Variants in SHISA6 observed in about 807,000 individuals in gnomAD.
SHISA6 encodes the protein protein shisa-6.
Under a neutral mutation model 47.9 loss-of-function variants are expected in SHISA6, and 22 were observed. The observed-to-expected ratio is 0.46, with a 90% CI of 0.33 to 0.66. The LOEUF is 0.66. Among genes scored for constraint, SHISA6 ranks in the 30% least tolerant of loss-of-function variants. The pLI is 0.02. For synonymous variants in SHISA6, 388 were observed against 337.8 expected, an observed-to-expected ratio of 1.15 and a Z score of -1.63; for missense variants, 680 against 764.6, an observed-to-expected ratio of 0.89 and a Z score of 1.30.
intron 3 of SHISA6, among the ~76,000 whole-genome samples, chr17:11,506,128 A>G (rs763460730): frequency 2.0e-5 from 3 of 152,250 alleles, no homozygotes; most frequent in Non-Finnish European, 4.4e-5. Flanking sequence ...GTTGATATTC[A>G]TGAAGCTGAT....
intron 1 of SHISA6, among the ~76,000 whole-genome samples, chr17:11,245,749 T>TGTGG (rs1555570401): frequency 2.7e-5 from 3 of 110,462 alleles, no homozygotes; most frequent in African/African-American, 1.4e-4. Flanking sequence ...GTGGGCAGGG[T>TGTGG]GGGGGGGGTG....
At position 11,267,292 on chromosome 17, in the gene SHISA6, C is replaced by T. The variant is rs139255103; in HGVS notation, c.799+3766C>T. Among the ~76,000 whole-genome samples the T allele has an allele frequency of 4.6e-3, 702 of 152,340 alleles. 2 individuals are homozygous for T. Among genetic ancestry groups the T allele is most frequent in the Non-Finnish European group, 6.9e-3 (470 of 68,032 alleles). ...AGTGTGGTCCATGGACCAGGAGCAA[C>T]TGCATTCCATTGGAACTTGTTAGAA... On this transcript the variant is annotated intron_variant, in intron 2 of 5. Transcript: ENST00000441885.
chr17:11,483,675 AGT>A (rs1320088367), intron 3 of SHISA6, among the ~76,000 whole-genome samples: 1 of 152,144 alleles, frequency 6.6e-6, no homozygotes, highest in Non-Finnish European at 1.5e-5. Flanking sequence ...TTACACACAT[AGT>A]AGTGTTACAT....
chr17:11,507,082 G>T (rs1475426228), intron 3 of SHISA6, among the ~76,000 whole-genome samples: 1 of 152,178 alleles, frequency 6.6e-6, no homozygotes, highest in Non-Finnish European at 1.5e-5. Flanking sequence ...TACTCGGCCT[G>T]TCCTACCCTC....
chr17:11,313,765 T>C (rs1032109179), intron 2 of SHISA6, among the ~76,000 whole-genome samples: 5 of 152,044 alleles, frequency 3.3e-5, no homozygotes, highest in Admixed American at 2.0e-4. Flanking sequence ...CTGCAATCTT[T>C]CTGAGAACTC....
chr17:11,354,242 T>C (rs1267714146), intron 2 of SHISA6, among the ~76,000 whole-genome samples: 1 of 152,186 alleles, frequency 6.6e-6, no homozygotes, highest in Non-Finnish European at 1.5e-5. Context: ...CTTGTTCAAA[T>C]GCGAATTCGG....
chr17:11,381,901 C>T (rs1041450972), intron 3 of SHISA6, among the ~76,000 whole-genome samples: 7 of 152,176 alleles, frequency 4.6e-5, no homozygotes, highest in African/African-American at 1.4e-4. Flanking sequence ...TTTTTCTCCC[C>T]GTTCCTTTCT....
chr17:11,519,746 G>A lies in SHISA6; in HGVS notation c.896-32150G>A, dbSNP rs138099103. Among the ~76,000 whole-genome samples, 619 of 152,154 alleles carry A rather than the reference G, an allele frequency of 4.1e-3. 1 individual carries two copies. The highest frequency in any genetic ancestry group is 6.7e-3 in the Non-Finnish European group (459 of 68,026). ...TGTTTCTCAGCCCATAACCAGTCTG[G>A]TTTCCACCTCCCCCACGCCAACAAG... is the stretch of plus-strand genomic sequence containing the variant. On this transcript the variant is annotated intron_variant, in intron 3 of 5. Transcript: ENST00000441885.
chr17:11,424,413 C>A (rs1048341423), intron 3 of SHISA6, among the ~76,000 whole-genome samples: 1 of 151,854 alleles, frequency 6.6e-6, no homozygotes, highest in South Asian at 2.1e-4. Context: ...CATGAGATGA[C>A]AAAATAGATA....
At chr17:11,326,890 C>T (rs1226375904) in intron 2 of SHISA6, among the ~76,000 whole-genome samples, 2 of 152,180 alleles carry the variant, frequency 1.3e-5, no homozygotes, top group African/African-American at 4.8e-5. Flanking sequence ...TTACCACATC[C>T]GCAGCAACGT....
At chr17:11,340,792 A>C (rs1911496579) in intron 2 of SHISA6, among the ~76,000 whole-genome samples, 1 of 152,236 alleles carries the variant, frequency 6.6e-6, no homozygotes, top group Non-Finnish European at 1.5e-5. Flanking sequence ...TTCTTGAAGC[A>C]CTGAACTAGA....
rs139664604 is a variant in SHISA6 at position 11,362,617 on chromosome 17, C to T, written c.800-16797C>T. 5.8e-4 allele frequency among the ~76,000 whole-genome samples: 88 copies of T among 152,238 alleles called. 1 individual carries two copies. In the East Asian group the frequency reaches 0.015, roughly 26 times the overall value. ...AAATCCTTGCTGCTTATATTACTGG[C>T]GGTGTGGTTTTGGACCAAATTTCTA... On this transcript the variant is annotated intron_variant, in intron 2 of 5. Coordinates refer to ENST00000441885, the MANE Select transcript of SHISA6 (RefSeq NM_207386.4).
intron 2 of SHISA6, among the ~76,000 whole-genome samples, chr17:11,375,401 C>A (rs761463881): frequency 6.6e-6 from 1 of 152,108 alleles, no homozygotes. Context: ...TATCAGCTTC[C>A]TTGTGTATCC....
At chr17:11,277,262 TCTCTCTCTCTCTCTCTCTCA>T (rs1288910964) in intron 2 of SHISA6, among the ~76,000 whole-genome samples, 5 of 105,440 alleles carry the variant, frequency 4.7e-5, no homozygotes, top group African/African-American at 1.5e-4. Context: ...TCTCTCTCTC[TCTCTCTCTCTCTCTCTCTCA>T]CACACACACA....
chr17:11,335,059 C>T (rs945840457), intron 2 of SHISA6, among the ~76,000 whole-genome samples: 4 of 152,218 alleles, frequency 2.6e-5, no homozygotes, highest in African/African-American at 7.2e-5. Context: ...AACATCTTTT[C>T]GTAGGACACG....
At chr17:11,267,630 AG>A (rs1172833134) in intron 2 of SHISA6, among the ~76,000 whole-genome samples, 1 of 152,200 alleles carries the variant, frequency 6.6e-6, no homozygotes, top group Non-Finnish European at 1.5e-5. Flanking sequence ...TAAAGTTTTG[AG>A]GGAACTGGAG....
intron 2 of SHISA6, among the ~76,000 whole-genome samples, chr17:11,315,695 T>G (rs1166268593): frequency 6.6e-6 from 1 of 152,198 alleles, no homozygotes; most frequent in Non-Finnish European, 1.5e-5. Flanking sequence ...ATTTTGATTT[T>G]CCATTCTTGA....
chr17:11,541,571 T>C (rs1367946563), intron 3 of SHISA6, among the ~76,000 whole-genome samples: 1 of 152,220 alleles, frequency 6.6e-6, no homozygotes, highest in Non-Finnish European at 1.5e-5. Context: ...TATTTTCCCC[T>C]TCTATGAGAT....
intron 3 of SHISA6, among the ~76,000 whole-genome samples, chr17:11,446,455 A>G (rs1915240293): frequency 6.6e-6 from 1 of 152,208 alleles, no homozygotes. Context: ...CCCCTCTTCA[A>G]GCTTGTTTGT....
Sources: gnomAD v4.1 joint callset for allele counts (sites outside exome capture counted in the v4.1 genomes callset) on GRCh38, gnomAD v4.1.1 for gene constraint, MANE v1.5 for transcripts, NCBI Gene and HGNC (gene_info 2026-07-23, HGNC 2026-07-21) for gene names.